The following TRAF3IP1 variants were observed in gnomAD, a reference collection of about 807,000 sequenced individuals.
The protein encoded by TRAF3IP1 is intraflagellar transport 54, also known as TRAF3-interacting protein 1.
In TRAF3IP1, 53 loss-of-function variants were observed where a neutral mutation model predicts 89.9. That is an observed-to-expected ratio of 0.59 (90% CI 0.47 to 0.74). The LOEUF (loss-of-function observed/expected upper bound fraction) is 0.74. Among genes scored for constraint, TRAF3IP1 ranks in the 30% least tolerant of loss-of-function variants. The pLI is 0.00. For synonymous variants in TRAF3IP1, 311 were observed against 322.1 expected (o/e 0.97, Z 0.37); for missense variants, 806 against 866.1 (o/e 0.93, Z 0.87).
At chr2:238,320,825 G>C (rs1332673990) in intron 1 of TRAF3IP1, 40 bp downstream of exon 1, 26 of 1,351,830 alleles carry the variant, frequency 1.9e-5, no homozygotes, top group Non-Finnish European at 2.4e-5. Context: ...TGCGGGTCGG[G>C]ATTCCGGTGG....
Position 238,373,776 on chromosome 2 carries a change from T to TC in TRAF3IP1, c.1689+17697dup, listed in dbSNP as rs1415901082. On this transcript the variant is annotated intron_variant, in intron 15 of 16. Transcript: ENST00000373327. ...CTTCCTATCCATGAGCATGGAATAT[T>TC]CTTCCATTTGTTTGTGTCTTCTTTT... 3.3e-5 allele frequency among the ~76,000 whole-genome samples: 5 copies of TC among 152,218 alleles called. No individual in the cohort carries two copies. In the East Asian group the frequency reaches 9.6e-4, roughly 29 times the overall value.
intron 15 of TRAF3IP1, among the ~76,000 whole-genome samples, chr2:238,361,373 T>C (rs1699652663): frequency 6.6e-6 from 1 of 152,228 alleles, no homozygotes; most frequent in Non-Finnish European, 1.5e-5. Flanking sequence ...TTTTTCTTTA[T>C]ACATTATTTA....
chr2:238,377,230 CTTTTTTT>C (rs71402784), intron 15 of TRAF3IP1, among the ~76,000 whole-genome samples: 5 of 86,706 alleles, frequency 5.8e-5, no homozygotes, highest in Middle Eastern at 0.029. Context: ...TCCTGATTTT[CTTTTTTT>C]TTTTTTTTTT....
At chr2:238,382,809 T>C (rs902408501) in intron 15 of TRAF3IP1, among the ~76,000 whole-genome samples, 2 of 146,448 alleles carry the variant, frequency 1.4e-5, no homozygotes, top group African/African-American at 5.0e-5. Flanking sequence ...TGCTTCTCTC[T>C]AGTCCTGCTG....
chr2:238,378,766 CT>C (rs1700424930), intron 15 of TRAF3IP1, among the ~76,000 whole-genome samples: 1 of 152,128 alleles, frequency 6.6e-6, no homozygotes. Flanking sequence ...AGGCTGGGCA[CT>C]TTCTTCGCAG....
rs1024766437 is a variant in TRAF3IP1, at chr2:238,345,536, G to A, written c.1261+938G>A. Among the ~76,000 whole-genome samples, 1 of 152,202 alleles carries A rather than the reference G, an allele frequency of 6.6e-6. No individual in the cohort carries two copies. The highest frequency in any genetic ancestry group is 1.9e-4 in the East Asian group (1 of 5,202). On this transcript the variant is annotated intron_variant, in intron 9 of 16. Coordinates refer to ENST00000373327, the MANE Select transcript of TRAF3IP1 (RefSeq NM_015650.4). This position sits in a 1 kb window ranked among gnomAD's most constrained non-coding sequence, Gnocchi z 4.7. The stretch of plus-strand genomic sequence containing the variant: ...GTTTAGCCTTTATTGGAAGAGCAGC[G>A]GGAGGCTAATTATATCTTTAGGAGG...
chr2:238,394,104 G>T (rs1034209689), intron 15 of TRAF3IP1, among the ~76,000 whole-genome samples: 2 of 152,148 alleles, frequency 1.3e-5, no homozygotes, highest in Non-Finnish European at 2.9e-5. Flanking sequence ...GCCGAGGCAG[G>T]AGAATCGCTT....
At chr2:238,341,587 G>A (rs1389285373) in intron 8 of TRAF3IP1, among the ~76,000 whole-genome samples, 2 of 146,656 alleles carry the variant, frequency 1.4e-5, no homozygotes, top group Non-Finnish European at 3.0e-5. Context: ...TTAACTTAGT[G>A]TAGCTAAAAT....
At chr2:238,376,969 G>C (rs1364233508) in intron 15 of TRAF3IP1, among the ~76,000 whole-genome samples, 1 of 152,138 alleles carries the variant, frequency 6.6e-6, no homozygotes, top group Non-Finnish European at 1.5e-5. Context: ...GGAGGTTAAG[G>C]AACGTGTCCG....
chr2:238,352,749 G>A, intron 12 of TRAF3IP1, 78 bp from the exon 13 acceptor site: 3 of 1,420,700 alleles, frequency 2.1e-6, no homozygotes, highest in South Asian at 2.8e-5. Flanking sequence ...CCTCTCTGCC[G>A]ACCTCTGACA....
chr2:238,351,540 C>T lies in TRAF3IP1; in HGVS notation c.1452-1287C>T, dbSNP rs1273544211. 1.3e-5 allele frequency among the ~76,000 whole-genome samples: 2 copies of T among 152,084 alleles called. No homozygotes were observed. Among genetic ancestry groups the T allele is most frequent in the Non-Finnish European group, 2.9e-5 (2 of 68,020 alleles). On this transcript the variant is annotated intron_variant, in intron 12 of 16. Transcript: ENST00000373327. The surrounding 1 kb of genome is among the most constrained non-coding windows in gnomAD (Gnocchi z 5.2). ...CGGGACAGAGAGGGCCTGCCGATCACGGCAGGCACAGGGGCGCAGGTGTTG... is the reference window on the plus strand; with the variant it reads ...CGGGACAGAGAGGGCCTGCCGATCATGGCAGGCACAGGGGCGCAGGTGTTG...
chr2:238,396,042 G>C (rs924711604), intron 15 of TRAF3IP1, among the ~76,000 whole-genome samples: 1 of 152,122 alleles, frequency 6.6e-6, no homozygotes, highest in South Asian at 2.1e-4. Flanking sequence ...TATACCCAAA[G>C]GATTATAAAT....
Position 238,345,582 on chromosome 2 carries a change from A to T in TRAF3IP1, c.1261+984A>T, listed in dbSNP as rs951073717. 1.3e-5 allele frequency among the ~76,000 whole-genome samples: 2 copies of T among 152,156 alleles called. No homozygotes were observed. Among genetic ancestry groups the T allele is most frequent in the African/African-American group, 2.4e-5 (1 of 41,422 alleles). On this transcript the variant is annotated intron_variant, in intron 9 of 16. Transcript: ENST00000373327. The surrounding 1 kb of genome is among the most constrained non-coding windows in gnomAD (Gnocchi z 4.7). ...GGAGGAGCAGTATAATGATATTTAGATTTTAAAGAGTGGCCATGTTAATTA... is the reference window on the plus strand; with the variant it reads ...GGAGGAGCAGTATAATGATATTTAGTTTTTAAAGAGTGGCCATGTTAATTA...
chr2:238,322,969 A>G (rs1208764944), intron 1 of TRAF3IP1, among the ~76,000 whole-genome samples: 1 of 152,234 alleles, frequency 6.6e-6, no homozygotes, highest in Non-Finnish European at 1.5e-5. Flanking sequence ...TATTATACAC[A>G]CATTGCTATA....
chr2:238,334,077 A>ATTTT, intron 7 of TRAF3IP1, 42 bp downstream of exon 7: 1 of 1,030,852 alleles, frequency 9.7e-7, no homozygotes. Context: ...TATGGATATT[A>ATTTT]GTTTTTTTTT....
At position 238,398,922 on chromosome 2, in the gene TRAF3IP1, A is replaced by G. The variant is rs543395649; in HGVS notation, c.*3A>G. On this transcript the variant is annotated 3_prime_UTR_variant, in exon 17 of 17. Transcript: ENST00000373327. Reference sequence around the variant, plus strand: ...TCAATTTGACTTCGAGAAGGTGAACACTCAAAAGTTTCAGAGATGAAAAGT... The same window carrying G: ...TCAATTTGACTTCGAGAAGGTGAACGCTCAAAAGTTTCAGAGATGAAAAGT... The G allele has an allele frequency of 2.5e-6, 4 of 1,590,674 alleles. No individual in the cohort carries two copies. Among genetic ancestry groups the G allele is most frequent in the Admixed American group, 3.8e-5 (2 of 52,238 alleles).
chr2:238,335,017 C>G (rs894627282), intron 7 of TRAF3IP1, among the ~76,000 whole-genome samples: 1 of 152,202 alleles, frequency 6.6e-6, no homozygotes, highest in African/African-American at 2.4e-5. Context: ...GCGTCTCTGA[C>G]CTGCCTGTTC....
chr2:238,361,230 A>T (rs1211398704), intron 15 of TRAF3IP1, among the ~76,000 whole-genome samples: 1 of 151,678 alleles, frequency 6.6e-6, no homozygotes, highest in Non-Finnish European at 1.5e-5. Context: ...TATTTTTTGT[A>T]GGGGGGTTTT....
At position 238,351,866 on chromosome 2, in the gene TRAF3IP1, T is replaced by TGTGTGCGCGCGC. The variant is rs1421537563; in HGVS notation, c.1452-960_1452-959insTGTGCGCGCGCG. 5.5e-5 allele frequency among the ~76,000 whole-genome samples: 7 copies of TGTGTGCGCGCGC among 128,194 alleles called. No individual in the cohort carries two copies. The highest frequency in any genetic ancestry group is 8.0e-5 in the Non-Finnish European group (5 of 62,258). The allele number at this position is 128,194 out of a possible 152,430, so 84.1% of individuals were successfully genotyped here. On this transcript the variant is annotated intron_variant, in intron 12 of 16. Transcript: ENST00000373327. This position sits in a 1 kb window ranked among gnomAD's most constrained non-coding sequence, Gnocchi z 5.2. ...GTGTGTGTGTGTGTGTGTGTGTGTGTGCGCGCGCGCGCGTGTGCGTGCATG... is the reference window on the plus strand; with the variant it reads ...GTGTGTGTGTGTGTGTGTGTGTGTGTGTGTGCGCGCGCGCGCGCGCGCGCGTGTGCGTGCATG...
Sources: allele counts gnomAD v4.1 joint callset (sites outside exome capture counted in the v4.1 genomes callset), GRCh38; gene constraint gnomAD v4.1.1; non-coding constraint Gnocchi (gnomAD v3.1); transcripts MANE v1.5; gene names NCBI Gene and HGNC (gene_info 2026-07-23, HGNC 2026-07-21).